The following PPARGC1A variants were observed in gnomAD, a reference collection of about 807,000 sequenced individuals.
PPARGC1A encodes the protein peroxisome proliferator-activated receptor gamma coactivator 1-alpha.
Under a neutral mutation model 88.7 loss-of-function variants are expected in PPARGC1A, and 25 were observed. The ratio of observed to expected loss-of-function variants is 0.28; its 90% CI spans 0.21 to 0.39. The LOEUF (loss-of-function observed/expected upper bound fraction) is 0.39. Ranked by LOEUF, PPARGC1A falls within the 10% of genes least tolerant of loss-of-function variation. The pLI is 1.00. For missense variants in PPARGC1A, 880 were observed against 968.7 expected, an observed-to-expected ratio of 0.91 and a Z score of 1.22; for synonymous variants, 363 against 355.6, an observed-to-expected ratio of 1.02 and a Z score of -0.24.
At chr4:24,208,541 T>C in the PPARGC1A span, among the ~76,000 whole-genome samples, 1 of 151,952 alleles carries the variant, frequency 6.6e-6, no homozygotes, top group Non-Finnish European at 1.5e-5. Flanking sequence ...AATACACACG[T>C]TTACTGACTC....
At chr4:24,003,865 G>A in the PPARGC1A span, among the ~76,000 whole-genome samples, 30 of 150,210 alleles carry the variant, frequency 2.0e-4, no homozygotes, top group African/African-American at 7.1e-4. Flanking sequence ...GCAGTGTGAA[G>A]AATGGTTTGT....
the PPARGC1A span, among the ~76,000 whole-genome samples, chr4:24,305,748 G>A: frequency 2.0e-5 from 3 of 152,130 alleles, no homozygotes; most frequent in African/African-American, 7.2e-5. Flanking sequence ...GGAGGCGGAG[G>A]TTGCAGTAAG....
At chr4:24,330,484 C>G in the PPARGC1A span, among the ~76,000 whole-genome samples, 1 of 152,160 alleles carries the variant, frequency 6.6e-6, no homozygotes, top group Non-Finnish European at 1.5e-5. Context: ...GTGCCAGGCA[C>G]GTACATGAAG....
chr4:24,312,359 A>G, the PPARGC1A span, among the ~76,000 whole-genome samples: 5 of 150,938 alleles, frequency 3.3e-5, no homozygotes, highest in Non-Finnish European at 5.9e-5. Context: ...TCATTCCCAA[A>G]TTAACTCAAC....
At chr4:24,417,696 A>C in the PPARGC1A span, among the ~76,000 whole-genome samples, 1 of 152,238 alleles carries the variant, frequency 6.6e-6, no homozygotes, top group Non-Finnish European at 1.5e-5. Flanking sequence ...TAAAGGTTAC[A>C]ATGTAGAAAT....
At chr4:24,348,927 G>GGCTCTGTCA in the PPARGC1A span, among the ~76,000 whole-genome samples, 1 of 152,140 alleles carries the variant, frequency 6.6e-6, no homozygotes, top group South Asian at 2.1e-4. Flanking sequence ...CATTTGGGTA[G>GGCTCTGTCA]GCTCTGTCAG....
chr4:24,060,426 G>A, the PPARGC1A span, among the ~76,000 whole-genome samples: 73 of 152,088 alleles, frequency 4.8e-4, 1 homozygote, highest in Non-Finnish European at 4.4e-5. Context: ...AGAATTTCTA[G>A]TAACTCTACC....
At chr4:24,083,124 C>G in the PPARGC1A span, among the ~76,000 whole-genome samples, 1 of 152,116 alleles carries the variant, frequency 6.6e-6, no homozygotes, top group Admixed American at 6.5e-5. Context: ...CTGCTCTATG[C>G]CTGGAACTGT....
At chr4:24,151,774 T>C in the PPARGC1A span, among the ~76,000 whole-genome samples, 4 of 152,184 alleles carry the variant, frequency 2.6e-5, no homozygotes, top group Non-Finnish European at 5.9e-5. Flanking sequence ...ACAGACCTTA[T>C]GGTTCCAGAG....
At chr4:23,969,497 G>T in the PPARGC1A span, among the ~76,000 whole-genome samples, 2 of 152,040 alleles carry the variant, frequency 1.3e-5, no homozygotes, top group African/African-American at 4.8e-5. Context: ...TACGCTTTTT[G>T]GGATACTTCC....
At chr4:24,408,531 G>A in the PPARGC1A span, among the ~76,000 whole-genome samples, 23 of 152,214 alleles carry the variant, frequency 1.5e-4, no homozygotes, top group Middle Eastern at 3.4e-3. Flanking sequence ...GCTTCTCTAC[G>A]ACCTCTAAGC....
chr4:24,294,251 C>T, the PPARGC1A span, among the ~76,000 whole-genome samples: 1 of 152,188 alleles, frequency 6.6e-6, no homozygotes, highest in African/African-American at 2.4e-5. Flanking sequence ...GCCATCACTA[C>T]AGTGCCTTTC....
chr4:24,371,168 A>T, the PPARGC1A span, among the ~76,000 whole-genome samples: 1 of 151,902 alleles, frequency 6.6e-6, no homozygotes, highest in Non-Finnish European at 1.5e-5. Context: ...CATTTTCTTT[A>T]TCCAGTCTAT....
the PPARGC1A span, among the ~76,000 whole-genome samples, chr4:24,368,938 G>C: frequency 4.9e-4 from 74 of 152,188 alleles, no homozygotes; most frequent in Non-Finnish European, 6.0e-4. Context: ...CAGACACACA[G>C]AGTCTCCTGA....
chr4:24,391,726 G>A, the PPARGC1A span, among the ~76,000 whole-genome samples: 11 of 152,046 alleles, frequency 7.2e-5, no homozygotes, highest in African/African-American at 2.7e-4. Context: ...ACAGATCGAG[G>A]CAGAAAACAG....
the PPARGC1A span, among the ~76,000 whole-genome samples, chr4:23,911,723 A>AAT: frequency 3.7e-3 from 561 of 152,094 alleles, 2 homozygotes; most frequent in African/African-American, 0.013. Flanking sequence ...TTCACCAAGA[A>AAT]ATATATATAT....
At chr4:23,890,212 C>A (rs1190292387), upstream of PPARGC1A, 28 of 365,678 alleles carry the variant, frequency 7.7e-5, no homozygotes, top group South Asian at 3.5e-4. Flanking sequence ...AGTGAAGTAA[C>A]GCTTTAAAAA....
intron 4 of PPARGC1A, 150 bp from the exon 5 acceptor site, chr4:23,828,754 A>T (rs1410070593): frequency 1.9e-5 from 13 of 681,072 alleles, no homozygotes; most frequent in African/African-American, 3.6e-5. Flanking sequence ...TTGCAGAACA[A>T]GGAAAGAAAA....
chr4:24,090,322 A>G, the PPARGC1A span, among the ~76,000 whole-genome samples: 1 of 152,190 alleles, frequency 6.6e-6, no homozygotes, highest in African/African-American at 2.4e-5. Context: ...ACTCAAAGTG[A>G]AAGGATTCCA....
Sources: gnomAD v4.1 joint callset for allele counts (sites outside exome capture counted in the v4.1 genomes callset) on GRCh38, gnomAD v4.1.1 for gene constraint, MANE v1.5 for transcripts, NCBI Gene and HGNC (gene_info 2026-07-23, HGNC 2026-07-21) for gene names.